The following VPS8 variants were observed in gnomAD, a reference collection of about 807,000 sequenced individuals.
VPS8 encodes the protein vacuolar protein sorting-associated protein 8 homolog.
In VPS8, 129 loss-of-function variants were observed where a neutral mutation model predicts 216.4. The ratio of observed to expected loss-of-function variants is 0.60; its 90% CI spans 0.52 to 0.69. The LOEUF is 0.69. Among genes scored for constraint, VPS8 ranks in the 30% least tolerant of loss-of-function variants. The pLI is 0.00. For synonymous variants in VPS8, 571 were observed against 565.4 expected (o/e 1.01, Z -0.14); for missense variants, 1,531 against 1,683.5 (o/e 0.91, Z 1.59).
chr3:184,966,992 G>A (rs1747524741), intron 39 of VPS8, among the ~76,000 whole-genome samples: 1 of 149,884 alleles, frequency 6.7e-6, no homozygotes, highest in South Asian at 2.1e-4. Flanking sequence ...TTTTTGACAG[G>A]CTTTCGCTCT....
chr3:184,833,953 A>G (rs1720528557), intron 4 of VPS8, among the ~76,000 whole-genome samples: 1 of 152,250 alleles, frequency 6.6e-6, no homozygotes, highest in Non-Finnish European at 1.5e-5. Context: ...AATCCTTGAC[A>G]GTAATAACTG....
intron 42 of VPS8, among the ~76,000 whole-genome samples, chr3:184,987,864 C>T (rs969348285): frequency 6.6e-6 from 1 of 152,210 alleles, no homozygotes; most frequent in African/African-American, 2.4e-5. Flanking sequence ...AATGAAAGTT[C>T]CTGTTGCTCC....
intron 5 of VPS8, among the ~76,000 whole-genome samples, chr3:184,836,503 G>C (rs1373175871): frequency 6.6e-6 from 1 of 152,202 alleles, no homozygotes; most frequent in African/African-American, 2.4e-5. Context: ...CCCTTGAAGA[G>C]GAGGGGAAAT....
intron 45 of VPS8, among the ~76,000 whole-genome samples, chr3:185,011,277 G>C (rs1306660509): frequency 6.6e-6 from 1 of 152,208 alleles, no homozygotes; most frequent in Non-Finnish European, 1.5e-5. Context: ...TATAGGGAAT[G>C]CAAACCTTGA....
intron 24 of VPS8, 38 bp downstream of exon 24, chr3:184,898,692 G>T: frequency 1.4e-6 from 2 of 1,462,052 alleles, no homozygotes; most frequent in African/African-American, 1.4e-5. Context: ...AATTAATTTT[G>T]TCTACTAACT....
intron 46 of VPS8, among the ~76,000 whole-genome samples, chr3:185,037,995 C>G (rs1410626301): frequency 6.6e-6 from 1 of 151,910 alleles, no homozygotes; most frequent in African/African-American, 2.4e-5. Flanking sequence ...TGCTTTTTTC[C>G]CTGGGGTTTG....
rs1429116713 is a variant in VPS8, at chr3:184,971,763, G to A, written c.3420+11G>A. ...CAGCAGCAACGTGAGGTAGGAGAAT[G>A]ACTGTTTAGGTATTTAAAAGCCTGT... is the stretch of plus-strand genomic sequence containing the variant. On this transcript the variant is annotated intron_variant, in intron 40 of 47. Transcript: ENST00000625842. The A allele has an allele frequency of 1.9e-6, 3 of 1,608,240 alleles. No individual in the cohort carries two copies. Among genetic ancestry groups the A allele is most frequent in the Non-Finnish European group, 8.5e-7 (1 of 1,176,220 alleles).
At chr3:184,974,766 T>C (rs1748990116) in intron 40 of VPS8, among the ~76,000 whole-genome samples, 1 of 152,134 alleles carries the variant, frequency 6.6e-6, no homozygotes, top group Non-Finnish European at 1.5e-5. Context: ...GTTTCATTCT[T>C]TGCCATATGG....
intron 3 of VPS8, among the ~76,000 whole-genome samples, chr3:184,829,732 G>A (rs1300008293): frequency 6.6e-6 from 1 of 152,102 alleles, no homozygotes; most frequent in East Asian, 1.9e-4. Context: ...GATTTGTAGT[G>A]CTATCACATC....
rs767136475 is a variant in VPS8 at position 184,936,228 on chromosome 3, CT to C, written c.2899-14del. ...AATGAGCCATTAGAGATGGCTTTGT[CT>C]TTTCCTTTAACTCCAGGAACTCGTG... On this transcript the variant is annotated splice_polypyrimidine_tract_variant and intron_variant, in intron 34 of 47. Transcript: ENST00000625842. 3.8e-6 allele frequency: 6 copies of C among 1,592,234 alleles called. No homozygotes were observed. Among genetic ancestry groups the C allele is most frequent in the Non-Finnish European group, 5.1e-6 (6 of 1,168,562 alleles).
At chr3:184,949,085 T>G (rs1326403354) in intron 36 of VPS8, among the ~76,000 whole-genome samples, 1 of 152,110 alleles carries the variant, frequency 6.6e-6, no homozygotes. Flanking sequence ...ATGGGTAGAT[T>G]GCTTGAGCCG....
chr3:184,895,186 A>T (rs115992124), intron 23 of VPS8, among the ~76,000 whole-genome samples: 1 of 152,166 alleles, frequency 6.6e-6, no homozygotes, highest in Non-Finnish European at 1.5e-5. Context: ...AGCACTTGGT[A>T]TAGAGTTTAC....
Position 184,985,743 on chromosome 3 carries a change from G to A in VPS8, c.3585+2649G>A, listed in dbSNP as rs544697512. On this transcript the variant is annotated intron_variant, in intron 42 of 47. Coordinates refer to ENST00000625842, the MANE Select transcript of VPS8 (RefSeq NM_001009921.3). ...CTTGGAAAAGATCTATAAGTCTCTC[G>A]TTAAGTCTCTGGATTACATCAGGTA... 3.3e-5 allele frequency among the ~76,000 whole-genome samples: 5 copies of A among 152,156 alleles called. No individual in the cohort carries two copies. In the South Asian group the frequency reaches 8.3e-4, roughly 25 times the overall value.
Position 184,839,680 on chromosome 3 carries a change from C to A in VPS8, c.481-18C>A, listed in dbSNP as rs777971362. On this transcript the variant is annotated intron_variant, in intron 6 of 47. Coordinates refer to ENST00000625842, the MANE Select transcript of VPS8 (RefSeq NM_001009921.3). ...TTAATGTAATGTCTTAAAACGTAAT[C>A]TTCCCTTTTGTTTTCAGGCAGTATC... 1.1e-5 allele frequency: 17 copies of A among 1,593,840 alleles called. No individual in the cohort carries two copies. The African/African-American group carries it at 1.7e-4, about 16-fold the overall frequency.
rs374917474 is a variant in VPS8 at position 184,943,289 on chromosome 3, A to T, written c.3035+3046A>T. On this transcript the variant is annotated intron_variant, in intron 36 of 47. Transcript: ENST00000625842. Reference sequence around the variant, plus strand: ...TGAAGCATATAAAAGATGGGGAAAAAACTCAACACCTTTTCCTAATACAGT... The same window carrying T: ...TGAAGCATATAAAAGATGGGGAAAATACTCAACACCTTTTCCTAATACAGT... 1.3e-4 allele frequency among the ~76,000 whole-genome samples: 20 copies of T among 152,360 alleles called. No individual in the cohort carries two copies. The South Asian group carries it at 3.7e-3, about 28-fold the overall frequency.
Position 184,993,965 on chromosome 3 carries a change from G to A in VPS8, c.3586-18G>A, listed in dbSNP as rs1235603660. The A allele has an allele frequency of 6.6e-7, 1 of 1,520,030 alleles. No homozygotes were observed. The highest frequency in any genetic ancestry group is 8.8e-7 in the Non-Finnish European group (1 of 1,132,038). The allele number at this position is 1,520,030 out of a possible 1,614,324, so 94.2% of individuals were successfully genotyped here. On this transcript the variant is annotated intron_variant, in intron 42 of 47. Transcript: ENST00000625842. Reference sequence around the variant, plus strand: ...TAAAATACAGAATTGTAACAGAATTGTAATTTTTTCCGATTAGGATCCAGT... The same window carrying A: ...TAAAATACAGAATTGTAACAGAATTATAATTTTTTCCGATTAGGATCCAGT...
intron 25 of VPS8, among the ~76,000 whole-genome samples, chr3:184,908,843 T>G (rs1735965494): frequency 1.3e-5 from 2 of 152,092 alleles, no homozygotes; most frequent in Admixed American, 6.5e-5. Flanking sequence ...CTCAATGTGG[T>G]GAGTCTGGGG....
intron 42 of VPS8, among the ~76,000 whole-genome samples, chr3:184,992,059 A>G (rs1577083522): frequency 6.6e-6 from 1 of 152,112 alleles, no homozygotes; most frequent in African/African-American, 2.4e-5. Context: ...GTCCAGAGAA[A>G]CCTCTGGCAG....
At chr3:184,869,394 C>A in intron 19 of VPS8, 88 bp from the exon 20 acceptor site, 2 of 1,355,490 alleles carry the variant, frequency 1.5e-6, no homozygotes, top group Non-Finnish European at 2.1e-6. Flanking sequence ...TGTTGTTTCA[C>A]ATCTTATAAA....
Sources: allele counts gnomAD v4.1 joint callset (sites outside exome capture counted in the v4.1 genomes callset), GRCh38; gene constraint gnomAD v4.1.1; transcripts MANE v1.5; gene names NCBI Gene and HGNC (gene_info 2026-07-23, HGNC 2026-07-21).